CDH11: variants seen among roughly 807,000 people sequenced by gnomAD.
CDH11 encodes the protein cadherin-11.
Under a neutral mutation model 67.8 loss-of-function variants are expected in CDH11, and 11 were observed. The observed-to-expected ratio is 0.16, with a 90% CI of 0.10 to 0.27. The LOEUF (loss-of-function observed/expected upper bound fraction) is 0.27. Among genes scored for constraint, CDH11 ranks in the 10% least tolerant of loss-of-function variants. The probability of loss-of-function intolerance (pLI) is 1.00; values close to 1 mark genes in which losing one functional copy is unlikely to be tolerated. For missense variants in CDH11, 847 were observed against 1,031.2 expected (o/e 0.82, Z 2.45); for synonymous variants, 419 against 400.0 (o/e 1.05, Z -0.57).
rs201928749 is a variant in CDH11 at position 64,955,245 on chromosome 16, C to CA, written c.1643-4228dup. Among the ~76,000 whole-genome samples, 350 of 151,226 alleles carry CA rather than the reference C, an allele frequency of 2.3e-3. 4 individuals carry two copies. Among genetic ancestry groups the CA allele is most frequent in the African/African-American group, 7.8e-3 (321 of 41,242 alleles). The stretch of plus-strand genomic sequence containing the variant: ...TGGGTGACAGAGCAAGACTCTGTCT[C>CA]AAAAAAACAAAAATAAAAACAACAA... On this transcript the variant is annotated intron_variant, in intron 11 of 12. Transcript: ENST00000268603.
intron 2 of CDH11, among the ~76,000 whole-genome samples, chr16:65,005,873 T>C (rs1274720282): frequency 6.6e-6 from 1 of 152,190 alleles, no homozygotes; most frequent in African/African-American, 2.4e-5. Context: ...CAAGGTCATG[T>C]TCCCAGCACC....
chr16:65,073,058 C>T (rs2142772928), intron 1 of CDH11, among the ~76,000 whole-genome samples: 2 of 152,288 alleles, frequency 1.3e-5, no homozygotes, highest in South Asian at 4.2e-4. Flanking sequence ...GCTTAGGTTA[C>T]AATGCTACAT....
At chr16:64,948,706 G>T in intron 12 of CDH11, 1 of 1,605,618 alleles carries the variant, frequency 6.2e-7, no homozygotes, top group Non-Finnish European at 8.5e-7. Context: ...TTTAACATAG[G>T]AAAATAGCAT....
At chr16:64,964,504 C>T (rs1221367027) in intron 11 of CDH11, among the ~76,000 whole-genome samples, 2 of 152,040 alleles carry the variant, frequency 1.3e-5, no homozygotes, top group South Asian at 2.1e-4. Flanking sequence ...ATGTGAAGGC[C>T]TAGGACGTTA....
intron 1 of CDH11, among the ~76,000 whole-genome samples, chr16:65,097,825 A>G (rs1245180723): frequency 1.3e-5 from 2 of 152,082 alleles, no homozygotes; most frequent in Non-Finnish European, 2.9e-5. Context: ...TTTGATCAGA[A>G]AAGTTAAGAT....
At chr16:64,989,654 T>C (rs997264731) in intron 6 of CDH11, among the ~76,000 whole-genome samples, 3 of 152,120 alleles carry the variant, frequency 2.0e-5, no homozygotes, top group African/African-American at 7.2e-5. Flanking sequence ...TTGCGTAAAA[T>C]AGACCATTGT....
At chr16:64,985,014 C>T (rs1381462113) in intron 7 of CDH11, 1 of 152,194 alleles carries the variant, frequency 6.6e-6, no homozygotes, top group Non-Finnish European at 1.5e-5. Context: ...AAATAAATAG[C>T]TCAGACACTG....
At chr16:65,006,268 T>C (rs549990991) in intron 2 of CDH11, among the ~76,000 whole-genome samples, 1 of 152,278 alleles carries the variant, frequency 6.6e-6, no homozygotes, top group South Asian at 2.1e-4. Context: ...GAGGATAACA[T>C]TCTGTTTCAG....
intron 1 of CDH11, among the ~76,000 whole-genome samples, chr16:65,077,929 A>C (rs764244984): frequency 1.3e-5 from 2 of 152,208 alleles, no homozygotes; most frequent in Non-Finnish European, 2.9e-5. Context: ...CTGTGTCTTA[A>C]CACCAGAATT....
chr16:65,014,015 G>C (rs1167225640), intron 2 of CDH11, among the ~76,000 whole-genome samples: 1 of 152,132 alleles, frequency 6.6e-6, no homozygotes, highest in Non-Finnish European at 1.5e-5. Context: ...AACATGGCCT[G>C]GTCCACAGCA....
chr16:64,990,727 T>C (rs538364426), intron 6 of CDH11, among the ~76,000 whole-genome samples: 27 of 152,334 alleles, frequency 1.8e-4, no homozygotes, highest in Middle Eastern at 3.4e-3. Context: ...TTATTAATAA[T>C]AACCTTTCAA....
chr16:65,112,777 T>C (rs1476457900), intron 1 of CDH11, among the ~76,000 whole-genome samples: 3 of 152,158 alleles, frequency 2.0e-5, no homozygotes, highest in Non-Finnish European at 2.9e-5. Context: ...CAGGGCCAAG[T>C]GTTGCATTTT....
intron 7 of CDH11, chr16:64,987,883 A>G (rs1468153640): frequency 3.2e-6 from 1 of 315,614 alleles, no homozygotes; most frequent in Non-Finnish European, 5.8e-6. Context: ...CCTTCCCTCC[A>G]TGGGAGAACT....
chr16:64,947,474 T>A lies in CDH11; in HGVS notation c.*129A>T. 2.7e-6 allele frequency: 4 copies of A among 1,491,066 alleles called. No individual in the cohort carries two copies. Among genetic ancestry groups the A allele is most frequent in the Non-Finnish European group, 3.6e-6 (4 of 1,122,316 alleles). 92.4% of individuals were successfully genotyped at this position (1,491,066 alleles called of 1,614,324 possible). ...TGTCCTCGCAGTTTTATTAAATGTA[T>A]CCTCTCTGTAAAACTTTGCCTGTTT... On this transcript the variant is annotated 3_prime_UTR_variant, in exon 13 of 13. Transcript: ENST00000268603.
At chr16:65,078,213 T>C (rs944662438) in intron 1 of CDH11, among the ~76,000 whole-genome samples, 1 of 152,244 alleles carries the variant, frequency 6.6e-6, no homozygotes, top group Non-Finnish European at 1.5e-5. Context: ...CAATCTGTGA[T>C]GGTGTCTGGC....
In CDH11 at chr16:64,947,909, G is replaced by A. The variant is rs758114163; in HGVS notation, c.2085C>T (p.Asp695=). The A allele has an allele frequency of 1.3e-5, 21 of 1,614,068 alleles. No individual in the cohort carries two copies. The highest frequency in any genetic ancestry group is 1.7e-5 in the Non-Finnish European group (20 of 1,180,036). ...GCATGTACTGATACTCAGGTTTGATGTCTTTGCGGGGGATAAATCCATTGA... is the reference window on the plus strand; with the variant it reads ...GCATGTACTGATACTCAGGTTTGATATCTTTGCGGGGGATAAATCCATTGA... The part of the protein sequence containing the change: ...DGINGFIPRK[D]IKPEYQYMPR... Residue 695 remains aspartate, a synonymous_variant, in exon 13 of 13, where the codon GAC becomes GAT. Coordinates refer to ENST00000268603, the MANE Select transcript of CDH11 (RefSeq NM_001797.4).
intron 11 of CDH11, among the ~76,000 whole-genome samples, chr16:64,967,326 T>C (rs2071864471): frequency 6.6e-6 from 1 of 152,098 alleles, no homozygotes; most frequent in Non-Finnish European, 1.5e-5. Flanking sequence ...CAAGCAATTC[T>C]CTTGCCTCAG....
At chr16:65,000,337 C>T (rs916986618) in intron 3 of CDH11, among the ~76,000 whole-genome samples, 4 of 152,088 alleles carry the variant, frequency 2.6e-5, no homozygotes, top group South Asian at 2.1e-4. Flanking sequence ...TCTTTTAATC[C>T]GAGTTCCTTG....
chr16:64,989,933 G>A (rs901239814), intron 6 of CDH11, among the ~76,000 whole-genome samples: 1 of 152,052 alleles, frequency 6.6e-6, no homozygotes, highest in African/African-American at 2.4e-5. Flanking sequence ...TTTATCAATA[G>A]TATTTTGCTT....
Sources: gnomAD v4.1 joint callset for allele counts (sites outside exome capture counted in the v4.1 genomes callset) on GRCh38, gnomAD v4.1.1 for gene constraint, MANE v1.5 for transcripts, NCBI Gene and HGNC (gene_info 2026-07-23, HGNC 2026-07-21) for gene names.